Variants in LRBA observed in about 807,000 individuals in gnomAD.
The protein encoded by LRBA is LPS responsive beige-like anchor protein, also known as lipopolysaccharide-responsive and beige-like anchor protein.
A neutral mutation model predicts 330.0 loss-of-function variants in LRBA; 176 were observed. The ratio of observed to expected loss-of-function variants is 0.53; its 90% CI spans 0.47 to 0.60. The LOEUF is 0.60. Ranked by LOEUF, LRBA falls within the 20% of genes least tolerant of loss-of-function variation. The pLI is 0.00. For synonymous variants in LRBA, 1,230 were observed against 1,193.0 expected, an observed-to-expected ratio of 1.03 and a Z score of -0.64; for missense variants, 3,259 against 3,444.8, an observed-to-expected ratio of 0.95 and a Z score of 1.35.
intron 16 of LRBA, among the ~76,000 whole-genome samples, chr4:150,893,861 G>A (rs948889488): frequency 6.6e-6 from 1 of 151,868 alleles, no homozygotes; most frequent in Non-Finnish European, 1.5e-5. Flanking sequence ...ATTTTTATTA[G>A]AGACGGGGTT....
intron 47 of LRBA, among the ~76,000 whole-genome samples, chr4:150,375,918 C>T (rs1326639203): frequency 6.6e-6 from 1 of 152,106 alleles, no homozygotes; most frequent in East Asian, 1.9e-4. Flanking sequence ...AACCCTCTAT[C>T]TTCGACCATC....
intron 40 of LRBA, among the ~76,000 whole-genome samples, chr4:150,492,412 C>T (rs1256812358): frequency 6.6e-6 from 1 of 151,946 alleles, no homozygotes; most frequent in African/African-American, 2.4e-5. Flanking sequence ...ATAATCAACG[C>T]CTATGTAAAA....
intron 37 of LRBA, among the ~76,000 whole-genome samples, chr4:150,653,428 G>A (rs1001230617): frequency 1.6e-4 from 24 of 151,866 alleles, no homozygotes; most frequent in African/African-American, 5.3e-4. Context: ...TCATCTTCTG[G>A]ATAGTAAAAG....
At position 150,276,106 on chromosome 4, in the gene LRBA, C is replaced by T. The variant is rs1399107068; in HGVS notation, c.8468+1747G>A. On this transcript the variant is annotated intron_variant, in intron 56 of 56. Transcript: ENST00000651943. ...AGATATATAGACCAATGGAACAGAA[C>T]AGAGGCCTCAGAAATAACACCATGC... Among the ~76,000 whole-genome samples the T allele has an allele frequency of 2.6e-5, 4 of 152,122 alleles. No homozygotes were observed. In the South Asian group the frequency reaches 6.2e-4, roughly 24 times the overall value.
At chr4:150,525,102 A>G (rs999848807) in intron 40 of LRBA, among the ~76,000 whole-genome samples, 2 of 152,172 alleles carry the variant, frequency 1.3e-5, no homozygotes, top group Non-Finnish European at 2.9e-5. Flanking sequence ...TTTCAATTCT[A>G]TATGTACTGA....
At chr4:150,624,310 CAAAA>C (rs11301318) in intron 37 of LRBA, among the ~76,000 whole-genome samples, 5 of 140,334 alleles carry the variant, frequency 3.6e-5, no homozygotes, top group African/African-American at 2.6e-5. Flanking sequence ...ACCTCCCTAT[CAAAA>C]AAAAAAAAAA....
chr4:150,726,479 G>A (rs761683167), intron 36 of LRBA, among the ~76,000 whole-genome samples: 23 of 152,130 alleles, frequency 1.5e-4, no homozygotes, highest in East Asian at 3.8e-4. Flanking sequence ...GTATTAGTCC[G>A]TTTTCACACT....
intron 37 of LRBA, among the ~76,000 whole-genome samples, chr4:150,654,555 T>C (rs1157869440): frequency 6.6e-6 from 1 of 152,202 alleles, no homozygotes. Context: ...TCATTTTTTT[T>C]ATTATACTTT....
chr4:150,835,587 C>A (rs925949078), intron 28 of LRBA, among the ~76,000 whole-genome samples: 7 of 152,062 alleles, frequency 4.6e-5, no homozygotes, highest in African/African-American at 1.7e-4. Context: ...GGAGTTCACT[C>A]ATGATTTGGC....
intron 47 of LRBA, among the ~76,000 whole-genome samples, chr4:150,358,581 A>G (rs1008625005): frequency 3.3e-5 from 5 of 152,160 alleles, no homozygotes; most frequent in Admixed American, 3.3e-4. Flanking sequence ...TGAGGACTTT[A>G]TATTGCTGTT....
At chr4:150,324,822 T>A (rs1201738022) in intron 49 of LRBA, among the ~76,000 whole-genome samples, 2 of 152,212 alleles carry the variant, frequency 1.3e-5, no homozygotes, top group African/African-American at 4.8e-5. Flanking sequence ...CAACTTCTTT[T>A]TATGAGGGAC....
At chr4:150,689,941 A>G (rs904647003) in intron 36 of LRBA, among the ~76,000 whole-genome samples, 4 of 152,098 alleles carry the variant, frequency 2.6e-5, no homozygotes, top group African/African-American at 9.7e-5. Flanking sequence ...TAATGAAAAA[A>G]AAATTTACAA....
chr4:150,683,761 A>C, intron 36 of LRBA, 44 bp from the exon 37 acceptor site: 3 of 1,421,054 alleles, frequency 2.1e-6, no homozygotes, highest in Non-Finnish European at 2.9e-6. Flanking sequence ...TGTGAAAAAA[A>C]CCTTTAAAAT....
At chr4:150,922,398 A>G (rs773057717) in intron 4 of LRBA, among the ~76,000 whole-genome samples, 10,532 of 148,490 alleles carry the variant, frequency 0.071, 689 homozygotes, top group African/African-American at 0.17. Context: ...ACTGTGGTAT[A>G]TATATATATA....
At chr4:150,813,058 G>A (rs773771998) in intron 31 of LRBA, among the ~76,000 whole-genome samples, 13 of 151,598 alleles carry the variant, frequency 8.6e-5, no homozygotes, top group Admixed American at 1.3e-4. Context: ...TTGGGAAGCT[G>A]AAGCAGGAGG....
At chr4:150,590,013 C>A (rs1772605131) in intron 39 of LRBA, among the ~76,000 whole-genome samples, 2 of 152,202 alleles carry the variant, frequency 1.3e-5, no homozygotes, top group East Asian at 1.9e-4. Flanking sequence ...AATGTCTTTT[C>A]TCTTAAAATT....
chr4:150,755,421 C>T (rs1320022317), intron 35 of LRBA, among the ~76,000 whole-genome samples: 1 of 152,150 alleles, frequency 6.6e-6, no homozygotes, highest in Non-Finnish European at 1.5e-5. Context: ...AGAAGAGTCA[C>T]AGCAGCACAT....
intron 46 of LRBA, among the ~76,000 whole-genome samples, chr4:150,418,848 G>A (rs1748157251): frequency 6.6e-6 from 1 of 152,080 alleles, no homozygotes; most frequent in South Asian, 2.1e-4. Flanking sequence ...GAGTATATGA[G>A]GTATCTAGGT....
At chr4:150,696,425 G>C (rs564766635) in intron 36 of LRBA, among the ~76,000 whole-genome samples, 23 of 152,114 alleles carry the variant, frequency 1.5e-4, no homozygotes, top group African/African-American at 5.5e-4. Context: ...CCTGTGCCTC[G>C]GTTTCCTCAT....
Sources: allele counts gnomAD v4.1 joint callset (sites outside exome capture counted in the v4.1 genomes callset), GRCh38; gene constraint gnomAD v4.1.1; transcripts MANE v1.5; gene names NCBI Gene and HGNC (gene_info 2026-07-23, HGNC 2026-07-21).